The following PRKAR1A variants were observed in gnomAD, a reference collection of about 807,000 sequenced individuals.
The protein encoded by PRKAR1A is cAMP-dependent protein kinase type I-alpha regulatory subunit.
Under a neutral mutation model 52.0 loss-of-function variants are expected in PRKAR1A, and 3 were observed. That is an observed-to-expected ratio of 0.06 (90% CI 0.03 to 0.15). The LOEUF is 0.15. Ranked by LOEUF, PRKAR1A falls within the 10% of genes least tolerant of loss-of-function variation. PRKAR1A has a pLI of 1.00. For missense variants in PRKAR1A, 240 were observed against 477.4 expected (o/e 0.50, Z 4.63); for synonymous variants, 188 against 168.4 (o/e 1.12, Z -0.90).
chr17:68,521,030 C>T lies in PRKAR1A; in HGVS notation c.178-1726C>T, dbSNP rs983428617. On this transcript the variant is annotated intron_variant, in intron 2 of 10. Coordinates refer to ENST00000589228, the MANE Select transcript of PRKAR1A (RefSeq NM_002734.5). ...AATCTCGGCTCACTGCAACCTCTGC[C>T]TCCTGGGTTCAGGCGATTCTCCTGC... is the stretch of plus-strand genomic sequence containing the variant. Among the ~76,000 whole-genome samples the T allele has an allele frequency of 3.3e-5, 5 of 152,170 alleles. 1 individual carries two copies. The South Asian group carries it at 8.3e-4, about 25-fold the overall frequency.
chr17:68,486,527 TTCTTTCTTTC>T, the PRKAR1A span, among the ~76,000 whole-genome samples: 2 of 115,124 alleles, frequency 1.7e-5, no homozygotes, highest in East Asian at 4.7e-4. Context: ...CTTTCTTTCT[TTCTTTCTTTC>T]TTTCTTTCTT....
chr17:68,415,749 C>T, the PRKAR1A span, among the ~76,000 whole-genome samples: 7 of 152,330 alleles, frequency 4.6e-5, no homozygotes, highest in African/African-American at 1.4e-4. Context: ...TCCTGTTGGA[C>T]ACGGCCTTTT....
chr17:68,495,973 T>TCTCTC, the PRKAR1A span, among the ~76,000 whole-genome samples: 1 of 19,370 alleles, frequency 5.2e-5, no homozygotes, highest in Non-Finnish European at 8.2e-5. Flanking sequence ...TCTCCTCTCC[T>TCTCTC]CTCTCCTCTC....
the PRKAR1A span, among the ~76,000 whole-genome samples, chr17:68,443,627 TC>T: frequency 6.6e-6 from 1 of 152,148 alleles, no homozygotes; most frequent in Admixed American, 6.5e-5. Context: ...GAACCAAGGT[TC>T]AAAAAGTCTA....
At chr17:68,487,515 GT>G in the PRKAR1A span, among the ~76,000 whole-genome samples, 83 of 152,202 alleles carry the variant, frequency 5.5e-4, 1 homozygote, top group Non-Finnish European at 9.9e-4. Flanking sequence ...TGGAAAAGTG[GT>G]TTGGGGTCGG....
At position 68,522,607 on chromosome 17, in the gene PRKAR1A, T is replaced by C. The variant is rs1197671060; in HGVS notation, c.178-149T>C. On this transcript the variant is annotated intron_variant, in intron 2 of 10. Transcript: ENST00000589228. ...TGTTTCAAGTGTTACTCTCTTTTTT[T>C]CCCCTTTGGAATTGGTGTTTTCCTC... 33 of 825,976 alleles carry C rather than the reference T, an allele frequency of 4.0e-5. 1 individual carries two copies. Among genetic ancestry groups the C allele is most frequent in the Non-Finnish European group, 4.2e-5 (21 of 504,622 alleles). The allele number at this position is 825,976 out of a possible 1,614,324, so 51.2% of individuals were successfully genotyped here.
upstream of PRKAR1A, chr17:68,511,741 C>G (rs2085268572): frequency 6.6e-6 from 1 of 152,150 alleles, no homozygotes; most frequent in African/African-American, 2.4e-5. Context: ...AGCCCGGGGC[C>G]CGGGCGGCGC....
chr17:68,483,657 T>A, the PRKAR1A span, among the ~76,000 whole-genome samples: 2 of 151,422 alleles, frequency 1.3e-5, no homozygotes, highest in Admixed American at 6.6e-5. Context: ...AGGTCAGGAG[T>A]TCAAGACCAG....
At chr17:68,537,043 T>A (rs145648532), downstream of PRKAR1A, 170 of 456,318 alleles carry the variant, frequency 3.7e-4, no homozygotes, top group African/African-American at 3.1e-3. This position sits in a 1 kb window ranked among gnomAD's most constrained non-coding sequence, Gnocchi z 4.2. Context: ...TTAGTCAGCT[T>A]GTGATAGGCC....
the PRKAR1A span, among the ~76,000 whole-genome samples, chr17:68,496,075 T>C: frequency 1.8e-5 from 1 of 54,394 alleles, no homozygotes; most frequent in Non-Finnish European, 3.8e-5. Flanking sequence ...GGAGTCTCAC[T>C]CTGTCACCCA....
At chr17:68,541,298 A>G (rs2086280399) in intron 11 of PRKAR1A, 1 of 348,102 alleles carries the variant, frequency 2.9e-6, no homozygotes, top group South Asian at 2.6e-5. Flanking sequence ...AGCCTCTTGG[A>G]CCCTGCGCCA....
At chr17:68,548,239 G>GA (rs1214017103) in intron 11 of PRKAR1A, among the ~76,000 whole-genome samples, 2 of 151,520 alleles carry the variant, frequency 1.3e-5, no homozygotes, top group South Asian at 2.1e-4. Flanking sequence ...ACTAAAAATA[G>GA]AAAAAATTAG....
intron 11 of PRKAR1A, chr17:68,542,834 A>G: frequency 6.4e-7 from 1 of 1,553,192 alleles, no homozygotes; most frequent in Non-Finnish European, 8.9e-7. Flanking sequence ...GCTCTGTTCC[A>G]TCTGAGGGAT....
At chr17:68,524,603 T>G (rs2085724307) in intron 5 of PRKAR1A, among the ~76,000 whole-genome samples, 1 of 152,158 alleles carries the variant, frequency 6.6e-6, no homozygotes, top group Non-Finnish European at 1.5e-5. Flanking sequence ...GCCTGATAAT[T>G]TGTTATTAAC....
chr17:68,415,871 C>A, the PRKAR1A span, among the ~76,000 whole-genome samples: 1 of 152,104 alleles, frequency 6.6e-6, no homozygotes, highest in Non-Finnish European at 1.5e-5. Flanking sequence ...CATGAAATAT[C>A]TTTTTCTACC....
rs2907387 is a variant in PRKAR1A, at chr17:68,529,323, T to A, written c.891+332T>A. Among the ~76,000 whole-genome samples the A allele has an allele frequency of 0.31, 46,980 of 152,092 alleles. 7,569 individuals are homozygous for A. Among genetic ancestry groups the A allele is most frequent in the East Asian group, 0.56 (2,879 of 5,174 alleles). On this transcript the variant is annotated intron_variant, in intron 9 of 10. Transcript: ENST00000589228. ...CTTGTTAAAATGCAAGTGTTTGGGC[T>A]ATTTGGCAAATAAGGATTAAAGGTA...
chr17:68,535,183 G>T (rs1222300875), downstream of PRKAR1A: 1 of 435,702 alleles, frequency 2.3e-6, no homozygotes, highest in South Asian at 1.6e-5. Flanking sequence ...GGAAGAACTC[G>T]AGTAAGAATG....
chr17:68,523,730 A>T lies in PRKAR1A; in HGVS notation c.354A>T (p.Ile118=). ...EDAASYVRKV[I]PKDYKTMAAL... ...GACCTTCAGTTCTTTTCTAGGTTAT[A>T]CCAAAAGATTACAAGACAATGGCCG... Residue 118 remains isoleucine, a synonymous_variant, in exon 4 of 11, where the codon ATA becomes ATT. Coordinates refer to ENST00000589228, the MANE Select transcript of PRKAR1A (RefSeq NM_002734.5). The T allele has an allele frequency of 1.2e-6, 2 of 1,612,580 alleles. No individual in the cohort carries two copies. Among genetic ancestry groups the T allele is most frequent in the Non-Finnish European group, 1.7e-6 (2 of 1,179,210 alleles).
chr17:68,457,370 T>G, the PRKAR1A span: 1 of 1,542,474 alleles, frequency 6.5e-7, no homozygotes, highest in South Asian at 1.2e-5. Flanking sequence ...GAGAAGCAGC[T>G]GAGCGCCGAC....
Sources: allele counts gnomAD v4.1 joint callset (sites outside exome capture counted in the v4.1 genomes callset), GRCh38; gene constraint gnomAD v4.1.1; non-coding constraint Gnocchi (gnomAD v3.1); transcripts MANE v1.5; gene names NCBI Gene and HGNC (gene_info 2026-07-23, HGNC 2026-07-21).